The following ANKRD45 variants were observed in gnomAD, a reference collection of about 807,000 sequenced individuals.
ANKRD45 encodes ankyrin repeat domain-containing protein 45.
ANKRD45 carries 21 observed loss-of-function variants against 28.1 expected under a neutral mutation model. The observed-to-expected ratio is 0.75, with a 90% confidence interval of 0.53 to 1.08. ANKRD45 has a LOEUF of 1.08. ANKRD45 is among the 50% of genes least tolerant of loss of function. ANKRD45 has a pLI of 0.00. For synonymous variants in ANKRD45, 86 were observed against 103.9 expected (o/e 0.83, Z 1.05); for missense variants, 261 against 308.7 (o/e 0.85, Z 1.16).
chr1:173,616,537 C>G (rs1462464716), intron 5 of ANKRD45, among the ~76,000 whole-genome samples: 1 of 152,074 alleles, frequency 6.6e-6, no homozygotes, highest in Non-Finnish European at 1.5e-5. Flanking sequence ...GAATTGTACT[C>G]TTTAAAATGA....
chr1:173,697,777 C>A, the ANKRD45 span, among the ~76,000 whole-genome samples: 1 of 152,154 alleles, frequency 6.6e-6, no homozygotes, highest in African/African-American at 2.4e-5. Context: ...AAATAACCAG[C>A]TAACGTCATA....
chr1:173,655,500 G>A (rs1669462346), intron 2 of ANKRD45, among the ~76,000 whole-genome samples: 1 of 152,140 alleles, frequency 6.6e-6, no homozygotes, highest in Non-Finnish European at 1.5e-5. Context: ...CGTCCCAGAG[G>A]GGCACCCACC....
chr1:173,687,742 G>A, the ANKRD45 span, among the ~76,000 whole-genome samples: 222 of 152,098 alleles, frequency 1.5e-3, 1 homozygote, highest in African/African-American at 4.9e-3. Context: ...CAAACAGCTC[G>A]CACATTTGAG....
Position 173,659,081 on chromosome 1 carries a change from G to C in ANKRD45, c.328+10C>G, listed in dbSNP as rs374030399. 1 of 1,610,656 alleles carries C rather than the reference G, an allele frequency of 6.2e-7. No homozygotes were observed. Among genetic ancestry groups the C allele is most frequent in the African/African-American group, 1.3e-5 (1 of 74,736 alleles). On this transcript the variant is annotated intron_variant, in intron 2 of 5. Transcript: ENST00000333279. ...TAAGTAATACTGATGAGAGAAAAAA[G>C]ACAAAATACCTCTGGTGGTTTTTTC...
chr1:173,701,270 A>T, the ANKRD45 span, among the ~76,000 whole-genome samples: 1 of 152,256 alleles, frequency 6.6e-6, no homozygotes, highest in Non-Finnish European at 1.5e-5. Flanking sequence ...GCAATTCCTC[A>T]AGGATCTAGA....
the ANKRD45 span, among the ~76,000 whole-genome samples, chr1:173,693,440 A>G: frequency 6.6e-6 from 1 of 152,242 alleles, no homozygotes; most frequent in Non-Finnish European, 1.5e-5. Context: ...ATAGACATGG[A>G]TAAATATGCA....
chr1:173,617,664 C>T (rs948734224), intron 5 of ANKRD45, among the ~76,000 whole-genome samples: 51 of 152,214 alleles, frequency 3.4e-4, no homozygotes, highest in African/African-American at 1.1e-3. Flanking sequence ...GAGGGATGAC[C>T]GATGTCTCTG....
intron 2 of ANKRD45, among the ~76,000 whole-genome samples, chr1:173,648,345 A>G (rs992413935): frequency 6.6e-6 from 1 of 152,164 alleles, no homozygotes; most frequent in Admixed American, 6.5e-5. Context: ...AAGTGCTAGG[A>G]TTACAGGCAT....
At chr1:173,662,933 C>A (rs767527011) in intron 1 of ANKRD45, among the ~76,000 whole-genome samples, 27 of 151,962 alleles carry the variant, frequency 1.8e-4, no homozygotes, top group Non-Finnish European at 3.5e-4. Flanking sequence ...ATGACTCAAC[C>A]ATAAGATTTG....
chr1:173,647,270 G>C (rs1668978394), intron 2 of ANKRD45, among the ~76,000 whole-genome samples: 1 of 152,132 alleles, frequency 6.6e-6, no homozygotes, highest in Non-Finnish European at 1.5e-5. Context: ...AAACATCCCT[G>C]GCAAACAGTA....
chr1:173,675,100 G>T, the ANKRD45 span, among the ~76,000 whole-genome samples: 22 of 152,024 alleles, frequency 1.4e-4, no homozygotes, highest in Non-Finnish European at 3.1e-4. Flanking sequence ...AGGCCATATT[G>T]CTCTGAAGTC....
At chr1:173,684,264 T>C in the ANKRD45 span, among the ~76,000 whole-genome samples, 3 of 152,160 alleles carry the variant, frequency 2.0e-5, no homozygotes, top group Non-Finnish European at 4.4e-5. Context: ...TACTGACATA[T>C]TAATTATTTG....
intron 5 of ANKRD45, among the ~76,000 whole-genome samples, chr1:173,614,080 T>A (rs1667351503): frequency 6.6e-6 from 1 of 152,126 alleles, no homozygotes. Context: ...GCAGACTCGC[T>A]AAGAGTCATC....
At chr1:173,688,776 G>T in the ANKRD45 span, among the ~76,000 whole-genome samples, 2 of 127,514 alleles carry the variant, frequency 1.6e-5, no homozygotes, top group Non-Finnish European at 3.3e-5. Flanking sequence ...CTCTCTTTCT[G>T]CCTCTTTCCT....
At chr1:173,686,928 T>C in the ANKRD45 span, among the ~76,000 whole-genome samples, 6 of 152,320 alleles carry the variant, frequency 3.9e-5, no homozygotes, top group Non-Finnish European at 7.3e-5. Context: ...AAGATTTTTA[T>C]AGACTTTTTT....
chr1:173,615,584 A>C (rs900968041), intron 5 of ANKRD45, among the ~76,000 whole-genome samples: 11 of 152,296 alleles, frequency 7.2e-5, no homozygotes, highest in African/African-American at 2.4e-4. Flanking sequence ...GGTGACTTTA[A>C]ATAGAAAAAA....
chr1:173,691,439 G>A, the ANKRD45 span, among the ~76,000 whole-genome samples: 8 of 152,158 alleles, frequency 5.3e-5, no homozygotes, highest in Admixed American at 2.6e-4. Context: ...TGCTGCAAAA[G>A]AAATAGCACT....
the ANKRD45 span, among the ~76,000 whole-genome samples, chr1:173,699,444 T>G: frequency 6.6e-6 from 1 of 152,042 alleles, no homozygotes; most frequent in Non-Finnish European, 1.5e-5. Context: ...GCAAACTGAA[T>G]CCAGCAGCAC....
At chr1:173,674,908 G>T in the ANKRD45 span, among the ~76,000 whole-genome samples, 1 of 152,046 alleles carries the variant, frequency 6.6e-6, no homozygotes, top group African/African-American at 2.4e-5. Context: ...TGAGTCTCTG[G>T]TCTCAGGTTT....
Sources: allele counts gnomAD v4.1 joint callset (sites outside exome capture counted in the v4.1 genomes callset), GRCh38; gene constraint gnomAD v4.1.1; transcripts MANE v1.5; gene names NCBI Gene and HGNC (gene_info 2026-07-23, HGNC 2026-07-21).